Variants in PIWIL1 observed in about 807,000 individuals in gnomAD.
PIWIL1 encodes piwi like RNA-mediated gene silencing 1.
Under a neutral mutation model 114.4 loss-of-function variants are expected in PIWIL1, and 73 were observed. The observed-to-expected ratio is 0.64, with a 90% CI of 0.53 to 0.78. PIWIL1 has a LOEUF of 0.78. PIWIL1 is among the 30% of genes least tolerant of loss of function. PIWIL1 has a pLI of 0.00. For missense variants in PIWIL1, 723 were observed against 1,063.1 expected (o/e 0.68, Z 4.45); for synonymous variants, 375 against 369.0 (o/e 1.02, Z -0.19).
the PIWIL1 span, among the ~76,000 whole-genome samples, chr12:130,393,362 G>T: frequency 5.0e-4 from 63 of 125,516 alleles, no homozygotes; most frequent in African/African-American, 1.7e-3. Context: ...CAGTTACCTG[G>T]TGCATATTGA....
chr12:130,349,837 A>G lies in PIWIL1; in HGVS notation c.933-19A>G. On this transcript the variant is annotated intron_variant, in intron 8 of 20. Transcript: ENST00000245255. ...TTCACATTTCCATCAAATGCAGTCAAATCTCAACTGATCCCTAGGTATAAC... is the reference window on the plus strand; with the variant it reads ...TTCACATTTCCATCAAATGCAGTCAGATCTCAACTGATCCCTAGGTATAAC... The G allele has an allele frequency of 7.3e-7, 1 of 1,376,750 alleles. No individual in the cohort carries two copies. Among genetic ancestry groups the G allele is most frequent in the Non-Finnish European group, 1.0e-6 (1 of 976,312 alleles). The allele number at this position is 1,376,750 out of a possible 1,614,324, so 85.3% of individuals were successfully genotyped here. A position where few individuals can be genotyped will look rare whatever the true frequency, so the allele number is the denominator to read the frequency against.
chr12:130,378,139 A>G, the PIWIL1 span, among the ~76,000 whole-genome samples: 1 of 152,142 alleles, frequency 6.6e-6, no homozygotes, highest in East Asian at 1.9e-4. Context: ...CCTTCCTCCC[A>G]CAAAGGTTCC....
chr12:130,375,369 GCT>G (rs2073859371), downstream of PIWIL1, among the ~76,000 whole-genome samples: 1 of 152,164 alleles, frequency 6.6e-6, no homozygotes, highest in African/African-American at 2.4e-5. Flanking sequence ...TGGCTCCACA[GCT>G]CTCTGATGTT....
intron 4 of PIWIL1, among the ~76,000 whole-genome samples, 156 bp from the exon 5 acceptor site, chr12:130,346,214 T>C (rs189570516): frequency 5.3e-4 from 80 of 152,352 alleles, no homozygotes; most frequent in African/African-American, 1.8e-3. Context: ...AGAGAGAGAC[T>C]AGTGGTCTCC....
chr12:130,421,751 C>T, the PIWIL1 span, among the ~76,000 whole-genome samples: 4 of 149,400 alleles, frequency 2.7e-5, no homozygotes, highest in African/African-American at 5.0e-5. Context: ...TTCCTCTGTG[C>T]TGATGACCAG....
the PIWIL1 span, chr12:130,419,928 T>G: frequency 2.6e-5 from 4 of 152,210 alleles, no homozygotes; most frequent in African/African-American, 9.6e-5. The surrounding 1 kb of genome is among the most constrained non-coding windows in gnomAD (Gnocchi z 4.3). Context: ...TTTTTAAATT[T>G]TGGAAATCCA....
At chr12:130,369,647 T>C (rs2073765866) in intron 19 of PIWIL1, among the ~76,000 whole-genome samples, 2 of 152,234 alleles carry the variant, frequency 1.3e-5, no homozygotes, top group African/African-American at 4.8e-5. Context: ...TGATCAGTGA[T>C]GTTGAGCTTT....
the PIWIL1 span, among the ~76,000 whole-genome samples, chr12:130,421,691 A>ATGTGTGTATG: frequency 3.9e-4 from 58 of 147,296 alleles, no homozygotes; most frequent in African/African-American, 1.4e-3. Context: ...CTGCATTTAT[A>ATGTGTGTATG]TGTGTGTGTG....
chr12:130,420,155 T>C, the PIWIL1 span, among the ~76,000 whole-genome samples: 1 of 152,220 alleles, frequency 6.6e-6, no homozygotes, highest in African/African-American at 2.4e-5. This position sits in a 1 kb window ranked among gnomAD's most constrained non-coding sequence, Gnocchi z 4.3. Flanking sequence ...CTGATGTTCA[T>C]TTCCCAAAGC....
At chr12:130,355,152 TC>T (rs2073329535) in intron 11 of PIWIL1, 147 bp downstream of exon 11, 1 of 683,194 alleles carries the variant, frequency 1.5e-6, no homozygotes, top group Non-Finnish European at 2.6e-6. Context: ...TCTTCGTGTT[TC>T]TAAGCAAGGC....
At chr12:130,338,855 T>G (rs1379978855) in intron 1 of PIWIL1, among the ~76,000 whole-genome samples, 56 of 16,990 alleles carry the variant, frequency 3.3e-3, no homozygotes, top group Middle Eastern at 0.025. Flanking sequence ...AGGGCCGGGG[T>G]GCGGGGGTGC....
intron 14 of PIWIL1, 71 bp downstream of exon 14, chr12:130,357,624 TG>T: frequency 1.0e-6 from 1 of 957,474 alleles, no homozygotes; most frequent in Non-Finnish European, 1.7e-6. Flanking sequence ...GTGTACATTT[TG>T]GAACTTGGAG....
downstream of PIWIL1, among the ~76,000 whole-genome samples, chr12:130,376,930 C>T (rs1024762826): frequency 6.6e-6 from 1 of 152,204 alleles, no homozygotes; most frequent in African/African-American, 2.4e-5. Flanking sequence ...TGCCTTAGGG[C>T]CTCTGCCTGG....
chr12:130,348,023 C>T (rs2136138943), intron 6 of PIWIL1, 80 bp from the exon 7 acceptor site: 3 of 937,990 alleles, frequency 3.2e-6, no homozygotes, highest in South Asian at 1.6e-5. Context: ...TTGCCAACCC[C>T]TGCTCTAAAC....
At chr12:130,369,920 T>C (rs921773840) in intron 19 of PIWIL1, among the ~76,000 whole-genome samples, 6 of 152,196 alleles carry the variant, frequency 3.9e-5, no homozygotes, top group African/African-American at 1.4e-4. Context: ...TTTGCTTTTG[T>C]TGCAACTGAG....
At position 130,355,067 on chromosome 12, in the gene PIWIL1, T is replaced by TGA. The variant is rs1166828342; in HGVS notation, c.1289+64_1289+65dup. On this transcript the variant is annotated intron_variant, in intron 11 of 20. Transcript: ENST00000245255. ...TTGTGTTTAGTATTTTATGTGGCTT[T>TGA]GAGGGGTATCTTTTGAGGGAGTGGC... 3 of 1,003,790 alleles carry TGA rather than the reference T, an allele frequency of 3.0e-6. No individual in the cohort carries two copies. The African/African-American group carries it at 4.8e-5, about 16-fold the overall frequency. 62.2% of individuals were successfully genotyped at this position (1,003,790 alleles called of 1,614,324 possible). A position where few individuals can be genotyped will look rare whatever the true frequency, so the allele number is the denominator to read the frequency against.
the PIWIL1 span, among the ~76,000 whole-genome samples, chr12:130,385,830 C>T: frequency 6.6e-6 from 1 of 151,560 alleles, no homozygotes; most frequent in Non-Finnish European, 1.5e-5. Context: ...AAAAATGTTA[C>T]TTCTCCTCCC....
At chr12:130,396,131 T>G in the PIWIL1 span, 1 of 152,740 alleles carries the variant, frequency 6.5e-6, no homozygotes, top group East Asian at 1.9e-4. Flanking sequence ...GAATAAACAG[T>G]GTTGTATAAA....
chr12:130,362,835 A>T lies in PIWIL1; in HGVS notation c.2040A>T (p.Gln680His). 2 of 1,614,008 alleles carry T rather than the reference A, an allele frequency of 1.2e-6. No homozygotes were observed. The highest frequency in any genetic ancestry group is 2.7e-5 in the African/African-American group (2 of 75,054). The change falls in exon 17 of 21, where the codon CAA becomes CAT. Residue 680 changes from glutamine to histidine, a missense_variant and splice_region_variant. Gln to His is a conservative substitution (Grantham distance 24). Transcript: ENST00000245255. ...ELVDGLKVCL[Q>H]AALRAWNSCN... ...TAGATGGGCTCAAAGTCTGCCTGCA[A>T]GGTTAGTCACCTGTGGGGTTGCCAT...
Sources: allele counts gnomAD v4.1 joint callset (sites outside exome capture counted in the v4.1 genomes callset), GRCh38; gene constraint gnomAD v4.1.1; non-coding constraint Gnocchi (gnomAD v3.1); transcripts MANE v1.5; gene names NCBI Gene and HGNC (gene_info 2026-07-23, HGNC 2026-07-21).